The following HMCN1 variants were observed in gnomAD, a reference collection of about 807,000 sequenced individuals.
The protein encoded by HMCN1 is hemicentin 1, also known as hemicentin-1.
HMCN1 carries 321 observed loss-of-function variants against 625.9 expected under a neutral mutation model. The ratio of observed to expected loss-of-function variants is 0.51; its 90% confidence interval spans 0.47 to 0.56. The LOEUF is 0.56. Among genes scored for constraint, HMCN1 ranks in the 20% least tolerant of loss-of-function variants. The pLI is 0.00. For synonymous variants in HMCN1, 2,425 were observed against 2,417.6 expected (o/e 1.00, Z -0.09); for missense variants, 6,588 against 6,887.3 (o/e 0.96, Z 1.54).
In HMCN1 at chr1:185,909,022, C is replaced by G. The variant is rs182909071; in HGVS notation, c.622-315C>G. ...ATTATGTTTTTAAATAAGTTCTTAT[C>G]TCTTGAGACAGCGAACTGTCAATAA... On this transcript the variant is annotated intron_variant, in intron 4 of 106. Transcript: ENST00000271588. Among the ~76,000 whole-genome samples the G allele has an allele frequency of 2.6e-5, 4 of 151,984 alleles. No homozygotes were observed. In the East Asian group the frequency reaches 5.8e-4, roughly 22 times the overall value.
At chr1:186,062,657 C>T in intron 48 of HMCN1, 57 bp downstream of exon 48, 1 of 1,132,658 alleles carries the variant, frequency 8.8e-7, no homozygotes, top group Non-Finnish European at 1.3e-6. Context: ...TAGTCATTGC[C>T]TCCACTATAT....
intron 3 of HMCN1, 24 bp from the exon 4 acceptor site, chr1:185,865,715 GTT>G (rs1553251728): frequency 2.1e-5 from 32 of 1,532,682 alleles, no homozygotes; most frequent in Non-Finnish European, 8.9e-7. Flanking sequence ...CCTTTACACT[GTT>G]TCTTTTTTTT....
At chr1:186,082,149 T>C (rs1434506408) in intron 56 of HMCN1, among the ~76,000 whole-genome samples, 2 of 152,198 alleles carry the variant, frequency 1.3e-5, no homozygotes, top group African/African-American at 4.8e-5. Flanking sequence ...TGGTTCTGTG[T>C]CCAAGTCCAA....
chr1:186,069,544 C>A, intron 50 of HMCN1, 119 bp from the exon 51 acceptor site: 1 of 721,408 alleles, frequency 1.4e-6, no homozygotes, highest in Non-Finnish European at 2.5e-6. Flanking sequence ...ATGTCCATCA[C>A]AGAATTGTCA....
chr1:185,856,379 A>G (rs943291993), intron 2 of HMCN1, among the ~76,000 whole-genome samples: 2 of 151,642 alleles, frequency 1.3e-5, no homozygotes, highest in Admixed American at 1.3e-4. Context: ...AATCCCAGCT[A>G]CTCGGGAGGC....
At chr1:186,074,589 AATCAATTATT>A in intron 52 of HMCN1, 142 bp from the exon 53 acceptor site, 1 of 686,518 alleles carries the variant, frequency 1.5e-6, no homozygotes, top group Non-Finnish European at 2.4e-6. Flanking sequence ...AATCAAAGTA[AATCAATTATT>A]TTGATTAAAC....
intron 11 of HMCN1, among the ~76,000 whole-genome samples, chr1:185,961,203 C>G (rs575379523): frequency 4.2e-4 from 64 of 152,284 alleles, no homozygotes; most frequent in African/African-American, 1.5e-3. Context: ...TAGCTGCTGC[C>G]GCCCAGCATA....
intron 4 of HMCN1, among the ~76,000 whole-genome samples, chr1:185,887,314 TTTATTATTATA>T (rs1558040593): frequency 1.6e-4 from 24 of 152,116 alleles, no homozygotes; most frequent in African/African-American, 5.1e-4. Flanking sequence ...TTATTTATTT[TTTATTATTATA>T]CTTTAAGTTT....
chr1:186,096,534 T>C lies in HMCN1; in HGVS notation c.10573+1013T>C, dbSNP rs145460570. 1.4e-4 allele frequency among the ~76,000 whole-genome samples: 21 copies of C among 152,260 alleles called. No individual in the cohort carries two copies. The East Asian group carries it at 3.1e-3, about 22-fold the overall frequency. On this transcript the variant is annotated intron_variant, in intron 68 of 106. Transcript: ENST00000271588. ...ATGAAGTATGGTTCTCTGGAGTAGA[T>C]GTGACTTCCATAGAATGGAGGCCGG...
intron 15 of HMCN1, among the ~76,000 whole-genome samples, chr1:185,975,094 C>T (rs1388192321): frequency 6.6e-6 from 1 of 152,116 alleles, no homozygotes; most frequent in Non-Finnish European, 1.5e-5. Flanking sequence ...ATTTACCTGC[C>T]CATACTCTGA....
chr1:185,902,429 A>G (rs1187224663), intron 4 of HMCN1, among the ~76,000 whole-genome samples: 1 of 150,184 alleles, frequency 6.7e-6, no homozygotes, highest in African/African-American at 2.5e-5. Context: ...CTATCTATCT[A>G]TCTATCTATC....
At chr1:186,175,800 C>G (rs56978676) in intron 103 of HMCN1, among the ~76,000 whole-genome samples, 4 of 146,624 alleles carry the variant, frequency 2.7e-5, no homozygotes, top group African/African-American at 1.0e-4. Flanking sequence ...AAGACAATCT[C>G]TTGATGTGGA....
intron 102 of HMCN1, among the ~76,000 whole-genome samples, chr1:186,174,225 T>C (rs1652418850): frequency 6.6e-6 from 1 of 152,092 alleles, no homozygotes; most frequent in Non-Finnish European, 1.5e-5. Context: ...ATCACTTGTA[T>C]AAATAAGATG....
At chr1:185,763,250 C>T (rs929033380) in intron 1 of HMCN1, among the ~76,000 whole-genome samples, 7 of 151,970 alleles carry the variant, frequency 4.6e-5, no homozygotes, top group Non-Finnish European at 1.0e-4. Flanking sequence ...ACTGGGACCA[C>T]CAGAGACAGG....
intron 36 of HMCN1, among the ~76,000 whole-genome samples, chr1:186,033,077 C>G (rs1295838539): frequency 6.6e-6 from 1 of 151,832 alleles, no homozygotes; most frequent in Non-Finnish European, 1.5e-5. Context: ...CACACACACA[C>G]ACACACACAC....
intron 4 of HMCN1, among the ~76,000 whole-genome samples, chr1:185,877,585 T>G (rs1664037091): frequency 6.6e-6 from 1 of 151,918 alleles, no homozygotes; most frequent in African/African-American, 2.4e-5. Context: ...TTGATTCTTC[T>G]AATCCACGAG....
At chr1:186,084,984 TA>T (rs1322892502) in intron 57 of HMCN1, among the ~76,000 whole-genome samples, 1 of 152,152 alleles carries the variant, frequency 6.6e-6, no homozygotes, top group Non-Finnish European at 1.5e-5. Flanking sequence ...CCATAAGTTT[TA>T]TACCTGCTTC....
Position 186,137,894 on chromosome 1 carries a change from C to T in HMCN1, c.13846C>T (p.Pro4616Ser), listed in dbSNP as rs1417964231. ...AACCAGGACCAGGACTTGCAATAATCCATCAGTTCAGCATGGTGGGCGGCC... is the reference window on the plus strand; with the variant it reads ...AACCAGGACCAGGACTTGCAATAATTCATCAGTTCAGCATGGTGGGCGGCC... ...NQTRTRTCNNPSVQHGGRPCE... is the reference protein window; with the variant it reads ...NQTRTRTCNNSSVQHGGRPCE... Residue 4616 changes from proline to serine, a missense_variant, in exon 89 of 107, where the codon CCA becomes TCA. Transcript: ENST00000271588. The T allele has an allele frequency of 6.2e-7, 1 of 1,614,076 alleles. No individual in the cohort carries two copies. The highest frequency in any genetic ancestry group is 2.2e-5 in the East Asian group (1 of 44,880).
intron 105 of HMCN1, among the ~76,000 whole-genome samples, chr1:186,184,353 A>T (rs1344285692): frequency 6.6e-6 from 1 of 152,178 alleles, no homozygotes; most frequent in Non-Finnish European, 1.5e-5. Context: ...TGATTTTTTG[A>T]AAGATTTAGA....
Sources: allele counts gnomAD v4.1 joint callset (sites outside exome capture counted in the v4.1 genomes callset), GRCh38; gene constraint gnomAD v4.1.1; transcripts MANE v1.5; gene names NCBI Gene and HGNC (gene_info 2026-07-23, HGNC 2026-07-21).